Variants in ACAN observed in about 807,000 individuals in gnomAD.
ACAN encodes aggrecan.
In ACAN, 47 loss-of-function variants were observed where a neutral mutation model predicts 169.1. The ratio of observed to expected loss-of-function variants is 0.28; its 90% CI spans 0.22 to 0.35. The LOEUF (loss-of-function observed/expected upper bound fraction) is 0.35. ACAN is among the 10% of genes least tolerant of loss of function. The probability of loss-of-function intolerance (pLI) is 1.00; values close to 1 mark genes in which losing one functional copy is unlikely to be tolerated. For synonymous variants in ACAN, 1,115 were observed against 1,112.2 expected (o/e 1.00, Z -0.05); for missense variants, 2,716 against 2,759.9 (o/e 0.98, Z 0.36).
At chr15:88,833,958 A>G (rs1896434948) in intron 1 of ACAN, among the ~76,000 whole-genome samples, 3 of 152,142 alleles carry the variant, frequency 2.0e-5, no homozygotes. Flanking sequence ...ACGAATCCCT[A>G]AGGCTCTGGG....
At position 88,861,971 on chromosome 15, in the gene ACAN, C is replaced by T. The variant is rs1302319842; in HGVS notation, c.6946+1532C>T. On this transcript the variant is annotated intron_variant, in intron 13 of 18. Coordinates refer to ENST00000560601, the MANE Select transcript of ACAN (RefSeq NM_001369268.1). This position sits in a 1 kb window ranked among gnomAD's most constrained non-coding sequence, Gnocchi z 6.3. Reference sequence around the variant, plus strand: ...GGCTCTGTAAGCAGCTTGGTAACTACCCCCATTTGAGACTGGAACTCAGAG... The same window carrying T: ...GGCTCTGTAAGCAGCTTGGTAACTATCCCCATTTGAGACTGGAACTCAGAG... Among the ~76,000 whole-genome samples, 2 of 152,178 alleles carry T rather than the reference C, an allele frequency of 1.3e-5. No individual in the cohort carries two copies. The highest frequency in any genetic ancestry group is 2.9e-5 in the Non-Finnish European group (2 of 68,042).
chr15:88,859,109 G>A lies in ACAN; in HGVS notation c.6524G>A (p.Ser2175Asn), dbSNP rs2141613060. Reference sequence around the variant, plus strand: ...GTGAGTGGAGAATCCACCACCACCAGTGATGTGGGGACAGAGGCACCAGGC... The same window carrying A: ...GTGAGTGGAGAATCCACCACCACCAATGATGTGGGGACAGAGGCACCAGGC... ...PEVSGESTTT[S>N]DVGTEAPGLP... The change falls in exon 12 of 19, where the codon AGT becomes AAT. Residue 2175 changes from serine to asparagine, a missense_variant. Transcript: ENST00000560601. The A allele has an allele frequency of 1.2e-6, 2 of 1,613,896 alleles. No individual in the cohort carries two copies. The highest frequency in any genetic ancestry group is 1.7e-6 in the Non-Finnish European group (2 of 1,179,900).
chr15:88,852,909 C>G (rs1459760531), intron 11 of ACAN, among the ~76,000 whole-genome samples: 1 of 152,204 alleles, frequency 6.6e-6, no homozygotes, highest in East Asian at 1.9e-4. Flanking sequence ...ATCCGAGCTC[C>G]CACTAACTCA....
chr15:88,849,757 C>A lies in ACAN; in HGVS notation c.2026+26C>A. 2 of 1,610,534 alleles carry A rather than the reference C, an allele frequency of 1.2e-6. No homozygotes were observed. The highest frequency in any genetic ancestry group is 1.7e-6 in the Non-Finnish European group (2 of 1,178,482). On this transcript the variant is annotated intron_variant, in intron 10 of 18. Coordinates refer to ENST00000560601, the MANE Select transcript of ACAN (RefSeq NM_001369268.1). The surrounding 1 kb of genome is among the most constrained non-coding windows in gnomAD (Gnocchi z 5.1). The stretch of plus-strand genomic sequence containing the variant: ...GTATGCAGCCTCACTTCGGCTCCAA[C>A]AGCCCCTTTTGTCTGGAGAGGACCC...
intron 1 of ACAN, among the ~76,000 whole-genome samples, chr15:88,811,743 C>A (rs1895825315): frequency 6.6e-6 from 1 of 152,128 alleles, no homozygotes; most frequent in Non-Finnish European, 1.5e-5. Context: ...GGGTGCCAGT[C>A]CCCTGGAAGA....
At position 88,816,535 on chromosome 15, in the gene ACAN, A is replaced by G. The variant is rs546480377; in HGVS notation, c.-8+12726A>G. Among the ~76,000 whole-genome samples the G allele has an allele frequency of 3.0e-4, 46 of 152,318 alleles. 1 individual carries two copies. The highest frequency in any genetic ancestry group is 9.9e-4 in the African/African-American group (41 of 41,572). On this transcript the variant is annotated intron_variant, in intron 1 of 18. Coordinates refer to ENST00000560601, the MANE Select transcript of ACAN (RefSeq NM_001369268.1). ...CTGAAGCAGCAGAAAGCTCTGTGAA[A>G]TAGGTCTAATTATTCCCATTTTATA... is the stretch of plus-strand genomic sequence containing the variant.
chr15:88,859,577 T>TCTGTAACGTAAGAGTAGGATAATA (rs1897150430), intron 12 of ACAN, among the ~76,000 whole-genome samples, 160 bp downstream of exon 12: 1 of 152,194 alleles, frequency 6.6e-6, no homozygotes, highest in South Asian at 2.1e-4. Flanking sequence ...CTGAGCCTCA[T>TCTGTAACGTAAGAGTAGGATAATA]CTGTAACGTA....
In ACAN at chr15:88,829,373, G is replaced by T. The variant is rs573023626; in HGVS notation, c.-7-6827G>T. ...TTCCTGGTGAGTTAGGACAGAGCTG[G>T]GACTGAAATCAGCTTCCTGGCTTCC... On this transcript the variant is annotated intron_variant, in intron 1 of 18. Coordinates refer to ENST00000560601, the MANE Select transcript of ACAN (RefSeq NM_001369268.1). Among the ~76,000 whole-genome samples, 88 of 152,238 alleles carry T rather than the reference G, an allele frequency of 5.8e-4. 1 individual carries two copies. Among genetic ancestry groups the T allele is most frequent in the Non-Finnish European group, 2.9e-5 (2 of 68,006 alleles).
At chr15:88,821,688 G>A (rs2141518368) in intron 1 of ACAN, among the ~76,000 whole-genome samples, 1 of 152,300 alleles carries the variant, frequency 6.6e-6, no homozygotes, top group East Asian at 1.9e-4. Context: ...GGAAAGCAGT[G>A]TCACTGAAGG....
chr15:88,858,202 G>A lies in ACAN; in HGVS notation c.5617G>A (p.Asp1873Asn). ...ADLSGKSGMV[D>N]VSGQFSGTVD... ...TCTGTCAGGCAAATCTGGGATGGTG[G>A]ATGTCAGTGGACAGTTTTCTGGAAC... Residue 1873 changes from aspartate to asparagine, a missense_variant, in exon 12 of 19, where the codon GAT becomes AAT. Asp to Asn is a conservative substitution (Grantham distance 23, BLOSUM62 1). Transcript: ENST00000560601. This position sits in a 1 kb window ranked among gnomAD's most constrained non-coding sequence, Gnocchi z 4.0. 1.2e-6 allele frequency: 2 copies of A among 1,613,942 alleles called. No individual in the cohort carries two copies. The highest frequency in any genetic ancestry group is 1.7e-6 in the Non-Finnish European group (2 of 1,179,892).
At chr15:88,837,667 G>A (rs983565955) in intron 2 of ACAN, among the ~76,000 whole-genome samples, 1 of 152,188 alleles carries the variant, frequency 6.6e-6, no homozygotes, top group African/African-American at 2.4e-5. Context: ...TCCAGGGTGC[G>A]AGGGCCCAGC....
At chr15:88,821,189 T>G (rs1185989147) in intron 1 of ACAN, among the ~76,000 whole-genome samples, 1 of 152,172 alleles carries the variant, frequency 6.6e-6, no homozygotes, top group Non-Finnish European at 1.5e-5. Flanking sequence ...ACAGCCAAAC[T>G]ATATCAGTGG....
At position 88,874,122 on chromosome 15, in the gene ACAN, A is replaced by T. The variant is rs1386497245; in HGVS notation, c.7630+98A>T. The stretch of plus-strand genomic sequence containing the variant: ...CTCCTGGGGACCCTACACCGTCCAC[A>T]GGGTTGAGCAAGGGAAGGGAGGTCG... On this transcript the variant is annotated intron_variant, in intron 18 of 18. Transcript: ENST00000560601. This position sits in a 1 kb window ranked among gnomAD's most constrained non-coding sequence, Gnocchi z 7.3. The T allele has an allele frequency of 2.0e-6, 3 of 1,500,586 alleles. No homozygotes were observed. In the South Asian group the frequency reaches 3.6e-5, roughly 18 times the overall value. 93.0% of individuals were successfully genotyped at this position (1,500,586 alleles called of 1,614,324 possible). A position where few individuals can be genotyped will look rare whatever the true frequency, so the allele number is the denominator to read the frequency against.
chr15:88,841,495 GA>G (rs59061953), intron 4 of ACAN, among the ~76,000 whole-genome samples: 5 of 112,748 alleles, frequency 4.4e-5, no homozygotes, highest in Middle Eastern at 4.6e-3. Context: ...GCCTTTTATA[GA>G]AAAAAATATG....
chr15:88,836,948 C>A (rs996180977), intron 2 of ACAN, among the ~76,000 whole-genome samples: 2 of 152,242 alleles, frequency 1.3e-5, no homozygotes, highest in African/African-American at 4.8e-5. Context: ...TGGCCATCCT[C>A]CAGCCTCAAC....
intron 6 of ACAN, among the ~76,000 whole-genome samples, chr15:88,844,294 CTTT>C (rs71149235): frequency 5.7e-5 from 6 of 104,676 alleles, no homozygotes; most frequent in African/African-American, 1.1e-4. Context: ...CCATGCTTTG[CTTT>C]TTTTTTTTTT....
intron 9 of ACAN, 48 bp downstream of exon 9, chr15:88,848,086 G>A: frequency 6.2e-7 from 1 of 1,601,152 alleles, no homozygotes; most frequent in Non-Finnish European, 8.5e-7. Flanking sequence ...GCAGGGGGTG[G>A]GCAGGGAGCT....
At chr15:88,828,128 G>A (rs989688385) in intron 1 of ACAN, among the ~76,000 whole-genome samples, 3 of 152,188 alleles carry the variant, frequency 2.0e-5, no homozygotes, top group Admixed American at 6.5e-5. Flanking sequence ...TTTCAGGCTG[G>A]GGGAGGTTTC....
chr15:88,842,050 C>T (rs974344344), intron 5 of ACAN, among the ~76,000 whole-genome samples, 183 bp downstream of exon 5: 2 of 152,302 alleles, frequency 1.3e-5, no homozygotes, highest in South Asian at 4.1e-4. Context: ...TCGCACTCCA[C>T]TTTGGAGAGG....
Sources: gnomAD v4.1 joint callset for allele counts (sites outside exome capture counted in the v4.1 genomes callset) on GRCh38, gnomAD v4.1.1 for gene constraint, Gnocchi (gnomAD v3.1) non-coding constraint, MANE v1.5 for transcripts, NCBI Gene and HGNC (gene_info 2026-07-23, HGNC 2026-07-21) for gene names.